Variants in AP2A1 observed in about 807,000 individuals in gnomAD.
AP2A1 encodes AP-2 complex subunit alpha-1.
Under a neutral mutation model 107.3 loss-of-function variants are expected in AP2A1, and 21 were observed. The ratio of observed to expected loss-of-function variants is 0.20; its 90% CI spans 0.14 to 0.28. The LOEUF (loss-of-function observed/expected upper bound fraction) is 0.28, where lower values mean the gene tolerates loss of function less well. Ranked by LOEUF, AP2A1 falls within the 10% of genes least tolerant of loss-of-function variation. AP2A1 has a pLI of 1.00. For missense variants in AP2A1, 873 were observed against 1,307.7 expected, an observed-to-expected ratio of 0.67 and a Z score of 5.13; for synonymous variants, 602 against 564.8, an observed-to-expected ratio of 1.07 and a Z score of -0.93.
At position 49,798,856 on chromosome 19, in the gene AP2A1, A is replaced by G; in HGVS notation, c.869A>G (p.Lys290Arg). The change falls in exon 8 of 23, where the codon AAG (lysine) becomes AGG (arginine). Residue 290 changes from lysine to arginine, a missense_variant. Physicochemically the swap from Lys to Arg is conservative, Grantham distance 26. Transcript: ENST00000354293. The stretch of plus-strand genomic sequence containing the variant: ...GAATGTCTGGAGACTGTGCTCAACA[A>G]GGCCCAGGAGCCCCCCAAATCCAAG... ...LVECLETVLN[K>R]AQEPPKSKKV... 1 of 1,599,714 alleles carries G rather than the reference A, an allele frequency of 6.3e-7. No homozygotes were observed. The highest frequency in any genetic ancestry group is 8.5e-7 in the Non-Finnish European group (1 of 1,173,314).
At chr19:49,803,077 C>T (rs1195404336) in intron 16 of AP2A1, 30 bp from the exon 17 acceptor site, 3 of 1,613,672 alleles carry the variant, frequency 1.9e-6, no homozygotes, top group East Asian at 2.2e-5. Flanking sequence ...GACAGGCACC[C>T]CCGTCATCTT....
chr19:49,805,411 G>A (rs537842389), intron 18 of AP2A1, 42 bp from the exon 19 acceptor site: 229 of 1,497,964 alleles, frequency 1.5e-4, no homozygotes, highest in Admixed American at 7.0e-4. Context: ...CCTCCCGGGG[G>A]CCCACCTCCT....
intron 7 of AP2A1, 21 bp from the exon 8 acceptor site, chr19:49,798,781 G>A: frequency 1.3e-6 from 2 of 1,597,342 alleles, no homozygotes; most frequent in Non-Finnish European, 8.5e-7. Context: ...TCAGCCGGGG[G>A]CGTCCCCTTC....
intron 12 of AP2A1, 98 bp from the exon 13 acceptor site, chr19:49,801,292 C>T (rs914251042): frequency 1.1e-5 from 14 of 1,279,338 alleles, no homozygotes; most frequent in African/African-American, 1.5e-5. Flanking sequence ...AGCTTGGGGT[C>T]CTGGGACGGG....
At chr19:49,770,489 A>ATATG in intron 1 of AP2A1, among the ~76,000 whole-genome samples, 1 of 152,174 alleles carries the variant, frequency 6.6e-6, no homozygotes, top group Non-Finnish European at 1.5e-5. Context: ...AGAAGGTGCA[A>ATATG]CATACAAATT....
At chr19:49,768,031 A>G (rs776520204) in intron 1 of AP2A1, among the ~76,000 whole-genome samples, 19 of 151,984 alleles carry the variant, frequency 1.3e-4, no homozygotes, top group Non-Finnish European at 2.1e-4. Context: ...AAAGGGTAGA[A>G]GAAGGAGCGC....
chr19:49,776,581 A>T (rs1324036470), intron 1 of AP2A1, among the ~76,000 whole-genome samples: 2 of 152,052 alleles, frequency 1.3e-5, no homozygotes, highest in African/African-American at 2.4e-5. Context: ...GAATCCCTTT[A>T]AAACTCTCTC....
At chr19:49,800,176 T>TGACCCCAC in intron 11 of AP2A1, 26 bp downstream of exon 11, 2 of 1,589,370 alleles carry the variant, frequency 1.3e-6, no homozygotes, top group Non-Finnish European at 1.7e-6. Flanking sequence ...CCTGACCCTA[T>TGACCCCAC]GACCCCACGA....
In AP2A1 at chr19:49,806,864, G is replaced by T; in HGVS notation, c.*106G>T. On this transcript the variant is annotated 3_prime_UTR_variant, in exon 23 of 23. Coordinates refer to ENST00000354293, the MANE Select transcript of AP2A1 (RefSeq NM_130787.3). ...CCACTGGTGACAGAGAAGACACCAG[G>T]GTTTGGGGGATGCCTGGGACTTTCC... 2.5e-6 allele frequency: 4 copies of T among 1,577,744 alleles called. No individual in the cohort carries two copies. Among genetic ancestry groups the T allele is most frequent in the South Asian group, 1.1e-5 (1 of 87,844 alleles).
intron 11 of AP2A1, chr19:49,800,741 G>C (rs2073268316): frequency 2.1e-6 from 1 of 481,502 alleles, no homozygotes; most frequent in Non-Finnish European, 3.7e-6. Flanking sequence ...AAAGTACCAG[G>C]ATTACAGGCA....
chr19:49,788,699 G>A lies in AP2A1; in HGVS notation c.474-3236G>A, dbSNP rs550324004. Reference sequence around the variant, plus strand: ...GGAAGGTGGCCCAGAGTCAGGGCTCGGGAGATGCGCGCCGTGACGGAGATG... The same window carrying A: ...GGAAGGTGGCCCAGAGTCAGGGCTCAGGAGATGCGCGCCGTGACGGAGATG... On this transcript the variant is annotated intron_variant, in intron 4 of 22. Transcript: ENST00000354293. The surrounding 1 kb of genome is among the most constrained non-coding windows in gnomAD (Gnocchi z 4.5). 1.6e-4 allele frequency among the ~76,000 whole-genome samples: 24 copies of A among 151,248 alleles called. No individual in the cohort carries two copies. The highest frequency in any genetic ancestry group is 3.6e-4 in the African/African-American group (15 of 41,170).
intron 1 of AP2A1, among the ~76,000 whole-genome samples, chr19:49,772,090 C>T (rs2123662858): frequency 6.6e-6 from 1 of 152,144 alleles, no homozygotes; most frequent in South Asian, 2.1e-4. Flanking sequence ...CAGAGTCTGG[C>T]TCTGTCATCC....
At chr19:49,787,584 A>G (rs1426892567) in intron 4 of AP2A1, among the ~76,000 whole-genome samples, 1 of 149,594 alleles carries the variant, frequency 6.7e-6, no homozygotes, top group Non-Finnish European at 1.5e-5. Flanking sequence ...CTTGACCTCT[A>G]TTGATCCATC....
At chr19:49,791,163 G>A (rs913826548) in intron 4 of AP2A1, among the ~76,000 whole-genome samples, 2 of 152,240 alleles carry the variant, frequency 1.3e-5, no homozygotes, top group African/African-American at 2.4e-5. Flanking sequence ...CTCTGCCTGG[G>A]ATGTTCTGTT....
At chr19:49,800,935 T>C (rs2073270688) in intron 11 of AP2A1, 26 bp from the exon 12 acceptor site, 5 of 1,567,756 alleles carry the variant, frequency 3.2e-6, no homozygotes, top group East Asian at 4.6e-5. Flanking sequence ...TGTTGTCCTC[T>C]CCACGCCCTT....
intron 11 of AP2A1, 46 bp from the exon 12 acceptor site, chr19:49,800,915 G>C (rs1391286355): frequency 6.6e-7 from 1 of 1,508,022 alleles, no homozygotes; most frequent in Non-Finnish European, 9.0e-7. Context: ...ATCCCGGAGA[G>C]GGCGCTCATT....
chr19:49,782,102 AG>A lies in AP2A1; in HGVS notation c.279+19del. On this transcript the variant is annotated intron_variant, in intron 3 of 22. Transcript: ENST00000354293. ...AGAGAAGCAAATAGTGAGTCTGGAGAGGGGGGTGCCAGGGCCTGGACTCCTG... is the reference window on the plus strand; with the variant it reads ...AGAGAAGCAAATAGTGAGTCTGGAGAGGGGGTGCCAGGGCCTGGACTCCTG... 2.6e-6 allele frequency: 3 copies of A among 1,140,292 alleles called. No individual in the cohort carries two copies. Among genetic ancestry groups the A allele is most frequent in the Non-Finnish European group, 3.4e-6 (3 of 892,772 alleles). The allele number at this position is 1,140,292 out of a possible 1,614,324, so 70.6% of individuals were successfully genotyped here. A position where few individuals can be genotyped will look rare whatever the true frequency, so the allele number is the denominator to read the frequency against.
At chr19:49,790,480 C>G (rs1454454603) in intron 4 of AP2A1, among the ~76,000 whole-genome samples, 2 of 152,160 alleles carry the variant, frequency 1.3e-5, no homozygotes, top group Non-Finnish European at 2.9e-5. Flanking sequence ...CAGGCTGCAG[C>G]CTTCACCTCC....
chr19:49,784,161 T>C (rs2084710132), intron 4 of AP2A1, among the ~76,000 whole-genome samples: 2 of 152,224 alleles, frequency 1.3e-5, no homozygotes, highest in African/African-American at 4.8e-5. Flanking sequence ...GGCGTGGTGC[T>C]CACGCCTGTA....
Sources: gnomAD v4.1 joint callset for allele counts (sites outside exome capture counted in the v4.1 genomes callset) on GRCh38, gnomAD v4.1.1 for gene constraint, Gnocchi (gnomAD v3.1) non-coding constraint, MANE v1.5 for transcripts, NCBI Gene and HGNC (gene_info 2026-07-23, HGNC 2026-07-21) for gene names.